The following SYNE1 variants were observed in gnomAD, a reference collection of about 807,000 sequenced individuals.
SYNE1 encodes spectrin repeat containing nuclear envelope protein 1.
SYNE1 carries 616 observed loss-of-function variants against 1,111.0 expected under a neutral mutation model. That is an observed-to-expected ratio of 0.55 (90% CI 0.52 to 0.59). The LOEUF is 0.59. SYNE1 is among the 20% of genes least tolerant of loss of function. The pLI is 0.00. For synonymous variants in SYNE1, 3,855 were observed against 3,825.8 expected (o/e 1.01, Z -0.28); for missense variants, 10,006 against 10,417.0 (o/e 0.96, Z 1.72).
intron 117 of SYNE1, among the ~76,000 whole-genome samples, chr6:152,223,118 G>A (rs1459691733): frequency 6.6e-6 from 1 of 152,164 alleles, no homozygotes; most frequent in Non-Finnish European, 1.5e-5. Flanking sequence ...ATCCTTTCAT[G>A]TCTTAAGACA....
intron 3 of SYNE1, among the ~76,000 whole-genome samples, chr6:152,541,013 C>T (rs1443431239): frequency 6.6e-6 from 1 of 152,164 alleles, no homozygotes; most frequent in Admixed American, 6.5e-5. Flanking sequence ...TGCATGGACT[C>T]CTGACATGCA....
At position 152,442,186 on chromosome 6, in the gene SYNE1, C is replaced by G. The variant is rs753027544; in HGVS notation, c.3897G>C (p.Ala1299=). Residue 1299 remains alanine (A), a synonymous_variant, in exon 31 of 146, where the codon GCG becomes GCC. Transcript: ENST00000367255. ...CAGGCAGCCCCCCTTCTCCCTGCTG[C>G]GCCTGCGCGATCTGCTGCTGCACAT... ...KRDVQQQIAQ[A]QQGEGGLPDR... is the part of the protein sequence containing the mutation. 30 of 1,613,574 alleles carry G rather than the reference C, an allele frequency of 1.9e-5. 1 individual carries two copies. The East Asian group carries it at 6.5e-4, about 35-fold the overall frequency.
At chr6:152,462,567 T>C (rs377580191) in intron 20 of SYNE1, 171 bp downstream of exon 20, 7 of 699,696 alleles carry the variant, frequency 1.0e-5, no homozygotes, top group Non-Finnish European at 1.7e-5. Flanking sequence ...AAGTCATGTC[T>C]TTTTTATGTT....
chr6:152,370,013 A>C (rs1591308665), intron 59 of SYNE1, among the ~76,000 whole-genome samples: 45 of 135,490 alleles, frequency 3.3e-4, no homozygotes, highest in African/African-American at 4.9e-4. Context: ...AAAAAATTCC[A>C]CAAAAAAAAA....
At chr6:152,353,493 G>A in intron 68 of SYNE1, 60 bp from the exon 69 acceptor site, 1 of 1,613,208 alleles carries the variant, frequency 6.2e-7, no homozygotes, top group East Asian at 2.2e-5. Flanking sequence ...GGCCTTTGTT[G>A]ATGAATATGT....
intron 130 of SYNE1, chr6:152,168,003 A>G (rs1469974613): frequency 1.3e-6 from 1 of 779,142 alleles, no homozygotes; most frequent in Non-Finnish European, 2.4e-6. Context: ...AATCCTCTTC[A>G]TGTAACATTG....
chr6:152,145,541 C>T lies in SYNE1; in HGVS notation c.24977-1776G>A, dbSNP rs1477596520. 6.8e-6 allele frequency: 11 copies of T among 1,613,876 alleles called. No homozygotes were observed. Among genetic ancestry groups the T allele is most frequent in the East Asian group, 2.2e-5 (1 of 44,862 alleles). On this transcript the variant is annotated intron_variant, in intron 137 of 145. Transcript: ENST00000367255. ...AGTTTTACATAGGCCTCAGGGCTTT[C>T]GGGGATCATTACATCTGCAAAAAAA...
chr6:152,582,442 T>G (rs560341647), intron 3 of SYNE1, among the ~76,000 whole-genome samples: 19 of 152,218 alleles, frequency 1.2e-4, no homozygotes, highest in Non-Finnish European at 2.2e-4. Flanking sequence ...TGCATGAGTG[T>G]GTACACACAC....
intron 3 of SYNE1, among the ~76,000 whole-genome samples, chr6:152,580,819 G>A (rs558760051): frequency 1.3e-5 from 2 of 152,244 alleles, no homozygotes; most frequent in African/African-American, 2.4e-5. Flanking sequence ...CAAAATTCCC[G>A]ATCCTCAAAA....
chr6:152,499,842 G>C (rs927047754), intron 10 of SYNE1, among the ~76,000 whole-genome samples: 4 of 152,202 alleles, frequency 2.6e-5, no homozygotes, highest in African/African-American at 9.6e-5. Flanking sequence ...GAAAGGGATA[G>C]AGGGAATTTT....
chr6:152,358,424 T>C lies in SYNE1; in HGVS notation c.10557A>G (p.Ser3519=), dbSNP rs73784326. ...GAGTGTGGGCATCACCTTCAAGAAC[T>C]GAATACTGGTCGAGCTTTTCTTGTT... The part of the protein sequence containing the change: ...GQEQEKLDQY[S]VLEGDAHTHE... Residue 3519 remains serine (S), a synonymous_variant, in exon 66 of 146, where the codon TCA becomes TCG. Coordinates refer to ENST00000367255, the MANE Select transcript of SYNE1 (RefSeq NM_182961.4). The C allele has an allele frequency of 2.5e-6, 4 of 1,614,198 alleles. No individual in the cohort carries two copies. In the Admixed American group the frequency reaches 5.0e-5, roughly 20 times the overall value.
At chr6:152,551,670 T>C (rs1000620400) in intron 3 of SYNE1, among the ~76,000 whole-genome samples, 1 of 152,230 alleles carries the variant, frequency 6.6e-6, no homozygotes, top group Non-Finnish European at 1.5e-5. Flanking sequence ...ATTATTCTTG[T>C]GGAAAACATG....
At chr6:152,431,339 C>T (rs1175473083) in intron 34 of SYNE1, among the ~76,000 whole-genome samples, 3 of 152,158 alleles carry the variant, frequency 2.0e-5, no homozygotes, top group Non-Finnish European at 4.4e-5. Flanking sequence ...AACAAATCTC[C>T]AGCTGATGCT....
intron 2 of SYNE1, among the ~76,000 whole-genome samples, chr6:152,634,518 A>G (rs1453054748): frequency 1.3e-5 from 2 of 152,220 alleles, no homozygotes; most frequent in South Asian, 2.1e-4. Context: ...GAATACTAAG[A>G]TGGCTAAAAG....
At chr6:152,248,042 A>G (rs2087941917) in intron 105 of SYNE1, among the ~76,000 whole-genome samples, 1 of 152,136 alleles carries the variant, frequency 6.6e-6, no homozygotes, top group Non-Finnish European at 1.5e-5. Context: ...CATTTCTTCT[A>G]TCTGCATTTT....
intron 59 of SYNE1, among the ~76,000 whole-genome samples, chr6:152,372,121 C>G (rs942483661): frequency 2.7e-4 from 41 of 152,216 alleles, no homozygotes; most frequent in Admixed American, 9.2e-4. Context: ...GTAATCAATG[C>G]TAAATATGCT....
chr6:152,316,722 T>C, intron 87 of SYNE1, 127 bp downstream of exon 87: 1 of 1,044,296 alleles, frequency 9.6e-7, no homozygotes, highest in Non-Finnish European at 1.4e-6. Context: ...TAGGGGTACC[T>C]TAGCATTCTT....
At chr6:152,470,305 T>C (rs935844041) in intron 16 of SYNE1, among the ~76,000 whole-genome samples, 3 of 152,282 alleles carry the variant, frequency 2.0e-5, no homozygotes, top group East Asian at 1.9e-4. Flanking sequence ...TGTTCTGAAA[T>C]ATCCAGAACA....
intron 123 of SYNE1, 118 bp from the exon 124 acceptor site, chr6:152,211,706 A>G: frequency 1.3e-6 from 1 of 786,332 alleles, no homozygotes; most frequent in Middle Eastern, 3.5e-4. Context: ...CACCAGCTGA[A>G]CCAGAAAATG....
Sources: allele counts gnomAD v4.1 joint callset (sites outside exome capture counted in the v4.1 genomes callset), GRCh38; gene constraint gnomAD v4.1.1; transcripts MANE v1.5; gene names NCBI Gene and HGNC (gene_info 2026-07-23, HGNC 2026-07-21).